Variants in DOCK7 observed in about 807,000 individuals in gnomAD.
DOCK7 encodes dedicator of cytokinesis 7, also known as dedicator of cytokinesis protein 7.
DOCK7 carries 138 observed loss-of-function variants against 271.0 expected under a neutral mutation model. The ratio of observed to expected loss-of-function variants is 0.51; its 90% confidence interval spans 0.44 to 0.59. DOCK7 has a LOEUF of 0.59. DOCK7 is among the 20% of genes least tolerant of loss of function. The probability of loss-of-function intolerance (pLI) is 0.00; values close to 1 mark genes in which losing one functional copy is unlikely to be tolerated. For missense variants in DOCK7, 2,066 were observed against 2,592.4 expected (o/e 0.80, Z 4.41); for synonymous variants, 823 against 876.1 (o/e 0.94, Z 1.07).
At chr1:62,528,387 A>G in intron 30 of DOCK7, 82 bp from the exon 31 acceptor site, 1 of 1,312,612 alleles carries the variant, frequency 7.6e-7, no homozygotes. Flanking sequence ...ATTCTTTAAA[A>G]GAATAACTTG....
At chr1:62,668,958 A>G (rs1171868001) in intron 1 of DOCK7, among the ~76,000 whole-genome samples, 1 of 150,154 alleles carries the variant, frequency 6.7e-6, no homozygotes, top group East Asian at 1.9e-4. Flanking sequence ...AATTATTATT[A>G]CTCTGCCTTA....
chr1:62,615,119 A>G (rs955579309), intron 14 of DOCK7, among the ~76,000 whole-genome samples: 6 of 151,868 alleles, frequency 4.0e-5, no homozygotes, highest in African/African-American at 1.4e-4. Flanking sequence ...TAACACAAAA[A>G]TTATTATTTC....
chr1:62,492,928 G>A (rs1646507529), intron 40 of DOCK7, 81 bp from the exon 41 acceptor site: 6 of 1,171,212 alleles, frequency 5.1e-6, no homozygotes, highest in Non-Finnish European at 7.3e-6. Flanking sequence ...AACTGAAGAT[G>A]AACTGTAACT....
chr1:62,508,942 A>G (rs1371168391), intron 34 of DOCK7, among the ~76,000 whole-genome samples: 4 of 152,204 alleles, frequency 2.6e-5, no homozygotes, highest in African/African-American at 7.2e-5. Flanking sequence ...AAAATAACAC[A>G]TAAAGTACAA....
At chr1:62,467,590 T>C (rs776631393) in intron 48 of DOCK7, among the ~76,000 whole-genome samples, 16 of 152,194 alleles carry the variant, frequency 1.1e-4, no homozygotes, top group African/African-American at 1.7e-4. Context: ...TATGGAAACA[T>C]TTTTAGAAAA....
intron 11 of DOCK7, 68 bp downstream of exon 11, chr1:62,631,172 G>A (rs906622001): frequency 2.0e-5 from 28 of 1,432,428 alleles, no homozygotes; most frequent in African/African-American, 1.2e-4. Flanking sequence ...GCCATAGAGC[G>A]AAACTCCATC....
intron 7 of DOCK7, among the ~76,000 whole-genome samples, chr1:62,637,187 AT>A (rs1655381589): frequency 6.6e-6 from 1 of 152,082 alleles, no homozygotes; most frequent in African/African-American, 2.4e-5. Context: ...TTGTGGACAA[AT>A]TTTCACGTTA....
chr1:62,583,144 A>G (rs1240853317), intron 16 of DOCK7, 40 bp downstream of exon 16: 1 of 1,518,902 alleles, frequency 6.6e-7, no homozygotes, highest in Non-Finnish European at 9.1e-7. Context: ...AATGCCACTG[A>G]GAAGTGAGTA....
intron 21 of DOCK7, 131 bp from the exon 22 acceptor site, chr1:62,553,032 CTTTT>C (rs66892340): frequency 5.6e-3 from 940 of 167,682 alleles, no homozygotes; most frequent in East Asian, 0.014. Context: ...AAAAAATATA[CTTTT>C]TTTTTTTTTT....
intron 1 of DOCK7, 133 bp from the exon 2 acceptor site, chr1:62,663,263 A>G: frequency 1.5e-6 from 1 of 670,042 alleles, no homozygotes; most frequent in Non-Finnish European, 2.5e-6. Flanking sequence ...CAATAAGGCT[A>G]GAAATTCGTA....
intron 4 of DOCK7, among the ~76,000 whole-genome samples, chr1:62,651,519 G>GAA (rs529180862): frequency 1.7e-5 from 2 of 120,894 alleles, no homozygotes; most frequent in Non-Finnish European, 1.8e-5. Context: ...GGGGGAGCCC[G>GAA]AAAAAAAAAA....
chr1:62,513,471 C>A lies in DOCK7; in HGVS notation c.4255G>T (p.Gly1419Cys). ...GGAGGAGAAGCTATTGTGTACGTAC[C>A]GAGCTGTCCTCGGCTTCGCCGTACC... ...EMVRRSRGQL[G>C]TYTIASPPER... Residue 1419 changes from glycine (G) to cysteine (C), a missense_variant, in exon 33 of 50, where the codon GGT becomes TGT. This residue lies in a region of DOCK7 where 652 missense variants were observed against 922.1 expected (regional missense o/e 0.71). Transcript: ENST00000635253. 6.2e-7 allele frequency: 1 copy of A among 1,612,064 alleles called. No homozygotes were observed. The highest frequency in any genetic ancestry group is 8.5e-7 in the Non-Finnish European group (1 of 1,179,488).
Position 62,544,954 on chromosome 1 carries a change from G to A in DOCK7, c.2852C>T (p.Ser951Leu). 1.3e-6 allele frequency: 2 copies of A among 1,549,392 alleles called. No individual in the cohort carries two copies. The highest frequency in any genetic ancestry group is 1.7e-6 in the Non-Finnish European group (2 of 1,146,214). The change falls in exon 23 of 50, where the codon TCA becomes TTA. Residue 951 changes from serine to leucine, a missense_variant. This residue lies in a region of DOCK7 where 1,414 missense variants were observed against 1,670.4 expected (regional missense o/e 0.85). Coordinates refer to ENST00000635253, the MANE Select transcript of DOCK7 (RefSeq NM_001367561.1). ...CTCTAATATAAACACCACCTGTGTT[G>A]ATTCTGCACTTGGACTGGGGTTGGA... Reference protein sequence around the residue: ...WGSNPSPSAESTQAMDRSCNR... With the variant: ...WGSNPSPSAELTQAMDRSCNR...
chr1:62,635,145 T>A, intron 8 of DOCK7: 1 of 338,900 alleles, frequency 3.0e-6, no homozygotes, highest in Non-Finnish European at 5.3e-6. Flanking sequence ...AAAAAATTAC[T>A]TATTTATCTA....
intron 38 of DOCK7, 154 bp from the exon 39 acceptor site, chr1:62,495,835 T>A (rs1646604657): frequency 1.8e-6 from 1 of 553,188 alleles, no homozygotes; most frequent in Non-Finnish European, 3.0e-6. Context: ...TATGTGGGGA[T>A]ATGGTAAGTG....
intron 35 of DOCK7, 121 bp from the exon 36 acceptor site, chr1:62,505,937 T>A: frequency 3.2e-6 from 3 of 931,956 alleles, no homozygotes; most frequent in Non-Finnish European, 4.5e-6. Context: ...TTTTAAAAGA[T>A]AAAAAAATGA....
chr1:62,493,567 CT>C (rs1557621972), intron 40 of DOCK7, among the ~76,000 whole-genome samples: 1 of 152,114 alleles, frequency 6.6e-6, no homozygotes, highest in Admixed American at 6.6e-5. Context: ...GGAGTTTCCC[CT>C]CCCCCAATCT....
chr1:62,637,642 G>A (rs1179922873), intron 7 of DOCK7, among the ~76,000 whole-genome samples: 4 of 152,128 alleles, frequency 2.6e-5, no homozygotes, highest in African/African-American at 9.7e-5. Context: ...CGAGGACCTT[G>A]TAGAAAATAC....
intron 48 of DOCK7, among the ~76,000 whole-genome samples, chr1:62,464,009 A>G (rs1343912101): frequency 6.6e-6 from 1 of 152,224 alleles, no homozygotes; most frequent in African/African-American, 2.4e-5. Flanking sequence ...ACAAAACCCC[A>G]AAACAAAAAG....
Sources: allele counts gnomAD v4.1 joint callset (sites outside exome capture counted in the v4.1 genomes callset), GRCh38; gene constraint gnomAD v4.1.1; regional missense constraint gnomAD v4.1.1; transcripts MANE v1.5; gene names NCBI Gene and HGNC (gene_info 2026-07-23, HGNC 2026-07-21).